The following ZRANB1 variants were observed in gnomAD, a reference collection of about 807,000 sequenced individuals.
The protein encoded by ZRANB1 is zinc finger RANBP2-type containing 1, also known as ubiquitin thioesterase ZRANB1.
In ZRANB1, 16 loss-of-function variants were observed where a neutral mutation model predicts 80.5. The observed-to-expected ratio is 0.20, with a 90% confidence interval of 0.13 to 0.30. The LOEUF (loss-of-function observed/expected upper bound fraction) is 0.30, where lower values mean the gene tolerates loss of function less well. Ranked by LOEUF, ZRANB1 falls within the 10% of genes least tolerant of loss-of-function variation. ZRANB1 has a pLI of 1.00. For synonymous variants in ZRANB1, 291 were observed against 293.1 expected (o/e 0.99, Z 0.07); for missense variants, 576 against 862.6 (o/e 0.67, Z 4.16).
intron 2 of ZRANB1, among the ~76,000 whole-genome samples, chr10:124,971,320 G>A (rs1589852198): frequency 6.6e-6 from 1 of 152,324 alleles, no homozygotes; most frequent in East Asian, 1.9e-4. Flanking sequence ...TTGGTTTGTT[G>A]TTTTCTTGCT....
At chr10:124,925,241 C>T in the ZRANB1 span, among the ~76,000 whole-genome samples, 12 of 152,172 alleles carry the variant, frequency 7.9e-5, no homozygotes, top group East Asian at 1.7e-3. Flanking sequence ...ATATATGTTC[C>T]GTTTCTCTAC....
Position 124,972,104 on chromosome 10 carries a change from T to G in ZRANB1, c.1142T>G (p.Phe381Cys). ...ACYFLTDLVT[F>C]TLPADIEDLP... ...TATTTTCTGACTGACCTTGTAACATTTACATTGCCAGCAGGTAACTCCAAA... is the reference window on the plus strand; with the variant it reads ...TATTTTCTGACTGACCTTGTAACATGTACATTGCCAGCAGGTAACTCCAAA... The change falls in exon 3 of 9, where the codon TTT becomes TGT. Residue 381 changes from phenylalanine (F) to cysteine (C), a missense_variant. Physicochemically the swap from Phe to Cys is radical, Grantham distance 205. This residue lies in a region of ZRANB1 where 411 missense variants were observed against 583.1 expected (regional missense o/e 0.70). Coordinates refer to ENST00000359653, the MANE Select transcript of ZRANB1 (RefSeq NM_017580.3). 1 of 1,611,882 alleles carries G rather than the reference T, an allele frequency of 6.2e-7. No homozygotes were observed. Among genetic ancestry groups the G allele is most frequent in the Non-Finnish European group, 8.5e-7 (1 of 1,179,356 alleles).
intron 1 of ZRANB1, among the ~76,000 whole-genome samples, chr10:124,963,388 C>T (rs530838782): frequency 6.6e-6 from 1 of 151,650 alleles, no homozygotes; most frequent in South Asian, 2.1e-4. Flanking sequence ...TTTTCCTGGC[C>T]TTTCTCCCAT....
At chr10:124,984,425 C>A in intron 8 of ZRANB1, 1 of 206,994 alleles carries the variant, frequency 4.8e-6, no homozygotes, top group Non-Finnish European at 9.5e-6. Context: ...ATAATTTCAG[C>A]TTGTACATAA....
intron 5 of ZRANB1, among the ~76,000 whole-genome samples, chr10:124,977,978 G>A (rs1279079215): frequency 2.6e-5 from 4 of 152,108 alleles, no homozygotes; most frequent in African/African-American, 7.2e-5. Context: ...CCCTGCCACC[G>A]GGGAGCTTTG....
chr10:124,938,257 A>G (rs1951504826), upstream of ZRANB1, among the ~76,000 whole-genome samples: 1 of 152,166 alleles, frequency 6.6e-6, no homozygotes, highest in Non-Finnish European at 1.5e-5. Context: ...AGTTCAGTTG[A>G]TGTTATCCTT....
chr10:124,930,745 T>C, the ZRANB1 span, among the ~76,000 whole-genome samples: 3 of 152,212 alleles, frequency 2.0e-5, no homozygotes, highest in Admixed American at 6.5e-5. Context: ...ACTTAAAAGA[T>C]TAATCATGGC....
chr10:124,918,639 A>G, the ZRANB1 span, among the ~76,000 whole-genome samples: 1 of 152,262 alleles, frequency 6.6e-6, no homozygotes, highest in Non-Finnish European at 1.5e-5. Context: ...ACCATAAGCC[A>G]GGGGAAACCA....
chr10:124,978,501 A>G (rs952990593), intron 5 of ZRANB1, among the ~76,000 whole-genome samples: 2 of 152,238 alleles, frequency 1.3e-5, no homozygotes, highest in East Asian at 1.9e-4. Context: ...TAGCTGACTC[A>G]GGTTCTCAAG....
At chr10:124,965,472 G>C (rs190652885) in intron 1 of ZRANB1, among the ~76,000 whole-genome samples, 1 of 152,170 alleles carries the variant, frequency 6.6e-6, no homozygotes, top group Admixed American at 6.5e-5. Flanking sequence ...AGTAAATGTG[G>C]GAATTATTTT....
At chr10:124,920,299 G>GC in the ZRANB1 span, among the ~76,000 whole-genome samples, 1 of 152,156 alleles carries the variant, frequency 6.6e-6, no homozygotes. Flanking sequence ...TTGTGTCTGG[G>GC]CTTTGAATAC....
At chr10:124,921,657 G>T in the ZRANB1 span, among the ~76,000 whole-genome samples, 1 of 151,878 alleles carries the variant, frequency 6.6e-6, no homozygotes, top group Non-Finnish European at 1.5e-5. Context: ...TATATAAAAA[G>T]TATTTTTTTT....
upstream of ZRANB1, among the ~76,000 whole-genome samples, chr10:124,938,706 GTT>G (rs546217856): frequency 6.1e-5 from 9 of 146,914 alleles, no homozygotes; most frequent in African/African-American, 2.3e-4. Context: ...ACATCATTAC[GTT>G]TTTTTTTTTT....
In ZRANB1 at chr10:124,943,147, T is replaced by G. The variant is rs753441884; in HGVS notation, c.654T>G (p.Pro218=). 4 of 1,614,214 alleles carry G rather than the reference T, an allele frequency of 2.5e-6. No homozygotes were observed. In the South Asian group the frequency reaches 3.3e-5, roughly 13 times the overall value. The part of the protein sequence containing the change: ...SSGNSQRRSP[P]ATKRDSEVKM... The stretch of plus-strand genomic sequence containing the variant: ...GTAATAGCCAAAGGAGATCACCTCC[T>G]GCTACGAAGCGGGACTCTGAAGTGA... Residue 218 remains proline, a synonymous_variant, in exon 1 of 9, where the codon CCT becomes CCG. Coordinates refer to ENST00000359653, the MANE Select transcript of ZRANB1 (RefSeq NM_017580.3).
chr10:124,942,153 A>G lies in ZRANB1; in HGVS notation c.-341A>G, dbSNP rs1271594520. 8 of 1,073,928 alleles carry G rather than the reference A, an allele frequency of 7.4e-6. No individual in the cohort carries two copies. The highest frequency in any genetic ancestry group is 7.1e-5 in the East Asian group (1 of 14,148). 66.5% of individuals were successfully genotyped at this position (1,073,928 alleles called of 1,614,324 possible). ...GGCCTCCCTGAAATTAAACATTTCTATTAGTGGCTTCCCGTTAATCTCATC... is the reference window on the plus strand; with the variant it reads ...GGCCTCCCTGAAATTAAACATTTCTGTTAGTGGCTTCCCGTTAATCTCATC... On this transcript the variant is annotated 5_prime_UTR_variant, in exon 1 of 9. Transcript: ENST00000359653.
chr10:124,921,281 T>C, the ZRANB1 span, among the ~76,000 whole-genome samples: 1 of 152,224 alleles, frequency 6.6e-6, no homozygotes, highest in Admixed American at 6.5e-5. Flanking sequence ...AGCCTCAGTT[T>C]GTATTCTTAA....
At chr10:124,974,435 G>A in intron 5 of ZRANB1, 37 bp downstream of exon 5, 2 of 1,600,694 alleles carry the variant, frequency 1.2e-6, no homozygotes, top group South Asian at 1.1e-5. Flanking sequence ...ACCCAGGAGT[G>A]CATTTGCTGG....
At chr10:124,966,864 C>T (rs971798844) in intron 2 of ZRANB1, 83 bp downstream of exon 2, 1 of 1,280,004 alleles carries the variant, frequency 7.8e-7, no homozygotes, top group African/African-American at 1.5e-5. Flanking sequence ...TATAATGTTT[C>T]TCTAAGCAGC....
intron 5 of ZRANB1, among the ~76,000 whole-genome samples, chr10:124,975,060 A>G (rs1951864483): frequency 6.6e-6 from 1 of 152,204 alleles, no homozygotes; most frequent in African/African-American, 2.4e-5. Flanking sequence ...GGGGCCCCCA[A>G]AGTGCTTGGA....
Sources: gnomAD v4.1 joint callset for allele counts (sites outside exome capture counted in the v4.1 genomes callset) on GRCh38, gnomAD v4.1.1 for gene constraint, gnomAD v4.1.1 regional missense constraint, MANE v1.5 for transcripts, NCBI Gene and HGNC (gene_info 2026-07-23, HGNC 2026-07-21) for gene names.